Variants in PLCE1 observed in about 807,000 individuals in gnomAD.
PLCE1 encodes phospholipase C epsilon 1.
A neutral mutation model predicts 242.8 loss-of-function variants in PLCE1; 119 were observed. That is an observed-to-expected ratio of 0.49 (90% confidence interval 0.42 to 0.57). PLCE1 has a LOEUF of 0.57. Among genes scored for constraint, PLCE1 ranks in the 20% least tolerant of loss-of-function variants. The probability of loss-of-function intolerance (pLI) is 0.00; values close to 1 mark genes in which losing one functional copy is unlikely to be tolerated. For missense variants in PLCE1, 2,441 were observed against 2,788.8 expected (o/e 0.88, Z 2.81); for synonymous variants, 945 against 1,017.4 (o/e 0.93, Z 1.35).
At chr10:94,017,641 T>A (rs2061305884) in intron 1 of PLCE1, among the ~76,000 whole-genome samples, 1 of 152,150 alleles carries the variant, frequency 6.6e-6, no homozygotes. Context: ...AATACAAATA[T>A]AAAAAAGAAA....
intron 3 of PLCE1, among the ~76,000 whole-genome samples, chr10:94,170,734 T>C (rs2047945982): frequency 6.6e-6 from 1 of 152,176 alleles, no homozygotes; most frequent in South Asian, 2.1e-4. Context: ...GTCCTGCCTA[T>C]TTACACATAA....
At chr10:94,312,345 C>T (rs2053412128) in intron 27 of PLCE1, among the ~76,000 whole-genome samples, 1 of 152,188 alleles carries the variant, frequency 6.6e-6, no homozygotes, top group Admixed American at 6.5e-5. Context: ...TAGGCAAAGC[C>T]CTGAATGGCT....
At position 94,324,338 on chromosome 10, in the gene PLCE1, T is replaced by C. The variant is rs1020707331; in HGVS notation, c.6502-11T>C. On this transcript the variant is annotated splice_polypyrimidine_tract_variant and intron_variant, in intron 30 of 32. Coordinates refer to ENST00000371380, the MANE Select transcript of PLCE1 (RefSeq NM_016341.4). ...GTGTCTTTATTCAGTTGATCATAAC[T>C]TACCTTTCAGACCTTATGCAAAGCC... 5 of 1,600,420 alleles carry C rather than the reference T, an allele frequency of 3.1e-6. No individual in the cohort carries two copies. Among genetic ancestry groups the C allele is most frequent in the South Asian group, 1.1e-5 (1 of 90,828 alleles).
intron 4 of PLCE1, among the ~76,000 whole-genome samples, chr10:94,204,406 C>T (rs544757936): frequency 2.6e-5 from 4 of 152,222 alleles, no homozygotes; most frequent in East Asian, 1.9e-4. Context: ...TGGTGGCTCA[C>T]GCCTGTAATC....
rs1156393538 is a variant in PLCE1 at position 94,069,363 on chromosome 10, G to C, written c.1206+37111G>C. On this transcript the variant is annotated intron_variant, in intron 2 of 32. Coordinates refer to ENST00000371380, the MANE Select transcript of PLCE1 (RefSeq NM_016341.4). Reference sequence around the variant, plus strand: ...GCCTGTAATTCCAGCACTTTGAGAGGCTGAAGCAGGCAGATCACTTGAGGT... The same window carrying C: ...GCCTGTAATTCCAGCACTTTGAGAGCCTGAAGCAGGCAGATCACTTGAGGT... Among the ~76,000 whole-genome samples, 12 of 152,202 alleles carry C rather than the reference G, an allele frequency of 7.9e-5. No individual in the cohort carries two copies. In the East Asian group the frequency reaches 2.3e-3, roughly 29 times the overall value.
At chr10:94,278,685 A>C (rs1373647025) in intron 19 of PLCE1, among the ~76,000 whole-genome samples, 1 of 152,158 alleles carries the variant, frequency 6.6e-6, no homozygotes, top group Non-Finnish European at 1.5e-5. Flanking sequence ...TGCAAAAACA[A>C]GTGAAGAACC....
At chr10:94,067,906 G>C (rs2044242378) in intron 2 of PLCE1, among the ~76,000 whole-genome samples, 1 of 152,124 alleles carries the variant, frequency 6.6e-6, no homozygotes, top group South Asian at 2.1e-4. Context: ...GGAGGAGTAT[G>C]GGTCTTGGGG....
chr10:94,143,110 C>A (rs1478077342), intron 3 of PLCE1, among the ~76,000 whole-genome samples: 2 of 152,198 alleles, frequency 1.3e-5, no homozygotes, highest in African/African-American at 2.4e-5. Context: ...TCATTGACAT[C>A]TGAGGTTTCT....
At chr10:94,243,324 C>A (rs937255760) in intron 7 of PLCE1, among the ~76,000 whole-genome samples, 7 of 152,198 alleles carry the variant, frequency 4.6e-5, no homozygotes, top group Non-Finnish European at 8.8e-5. Flanking sequence ...CTCCTCCAAA[C>A]TGTCAAGAGC....
chr10:94,217,392 C>T lies in PLCE1; in HGVS notation c.1810-9914C>T, dbSNP rs1007217898. On this transcript the variant is annotated intron_variant, in intron 4 of 32. Transcript: ENST00000371380. ...AGCTAACAGCTCAGTTATATCAAGA[C>T]ATTTTATGTAAACTGTTAGTGATGG... is the stretch of plus-strand genomic sequence containing the variant. Among the ~76,000 whole-genome samples, 3 of 152,118 alleles carry T rather than the reference C, an allele frequency of 2.0e-5. No individual in the cohort carries two copies. In the East Asian group the frequency reaches 5.8e-4, roughly 29 times the overall value.
chr10:94,191,831 C>T (rs2048676451), intron 4 of PLCE1, among the ~76,000 whole-genome samples: 1 of 152,154 alleles, frequency 6.6e-6, no homozygotes, highest in Non-Finnish European at 1.5e-5. Context: ...AAAAGGCTGC[C>T]TGTTGAAGTA....
At chr10:94,211,984 A>C (rs1214116495) in intron 4 of PLCE1, among the ~76,000 whole-genome samples, 1 of 152,248 alleles carries the variant, frequency 6.6e-6, no homozygotes, top group East Asian at 1.9e-4. Context: ...TTACATGGTC[A>C]AAAGAACTTG....
intron 2 of PLCE1, among the ~76,000 whole-genome samples, chr10:94,099,416 G>C (rs2045435147): frequency 6.6e-6 from 1 of 152,200 alleles, no homozygotes; most frequent in South Asian, 2.1e-4. Context: ...TCACAAAACT[G>C]AGGCTTAGAG....
chr10:94,299,615 C>T (rs899023076), intron 24 of PLCE1, among the ~76,000 whole-genome samples: 7 of 152,194 alleles, frequency 4.6e-5, no homozygotes, highest in East Asian at 3.9e-4. Context: ...ATTCATCTCG[C>T]GTGAACTGAA....
chr10:94,026,779 G>T (rs1054523504), intron 1 of PLCE1, among the ~76,000 whole-genome samples: 1 of 152,162 alleles, frequency 6.6e-6, no homozygotes, highest in Non-Finnish European at 1.5e-5. Flanking sequence ...CCCAGATATA[G>T]AACTGAAATT....
At chr10:94,079,134 G>A (rs1462229386) in intron 2 of PLCE1, among the ~76,000 whole-genome samples, 1 of 152,032 alleles carries the variant, frequency 6.6e-6, no homozygotes. Context: ...AAAAAAAATA[G>A]CCCCAAGTTG....
chr10:94,253,244 T>G (rs749509956), intron 9 of PLCE1, among the ~76,000 whole-genome samples: 2 of 152,214 alleles, frequency 1.3e-5, no homozygotes, highest in Non-Finnish European at 2.9e-5. Context: ...TGCCAGCATC[T>G]GCTTCTGGTG....
At chr10:94,205,994 A>G (rs375829822) in intron 4 of PLCE1, among the ~76,000 whole-genome samples, 39 of 152,332 alleles carry the variant, frequency 2.6e-4, no homozygotes, top group African/African-American at 9.1e-4. Context: ...CCCTACCCAC[A>G]TGGAGCTTCC....
At chr10:94,212,785 G>A (rs2049386532) in intron 4 of PLCE1, among the ~76,000 whole-genome samples, 1 of 152,198 alleles carries the variant, frequency 6.6e-6, no homozygotes, top group African/African-American at 2.4e-5. Flanking sequence ...AAACATTGCT[G>A]ATCTGTTTCT....
Sources: allele counts gnomAD v4.1 joint callset (sites outside exome capture counted in the v4.1 genomes callset), GRCh38; gene constraint gnomAD v4.1.1; transcripts MANE v1.5; gene names NCBI Gene and HGNC (gene_info 2026-07-23, HGNC 2026-07-21).